The following SHISA9 variants were observed in gnomAD, a reference collection of about 807,000 sequenced individuals.
The protein encoded by SHISA9 is protein shisa-9.
Under a neutral mutation model 38.0 loss-of-function variants are expected in SHISA9, and 13 were observed. The ratio of observed to expected loss-of-function variants is 0.34; its 90% CI spans 0.22 to 0.54. The LOEUF (loss-of-function observed/expected upper bound fraction) is 0.54. Ranked by LOEUF, SHISA9 falls within the 20% of genes least tolerant of loss-of-function variation. SHISA9 has a pLI of 0.91. For missense variants in SHISA9, 538 were observed against 575.8 expected, an observed-to-expected ratio of 0.93 and a Z score of 0.67; for synonymous variants, 275 against 242.0, an observed-to-expected ratio of 1.14 and a Z score of -1.27.
the SHISA9 span, among the ~76,000 whole-genome samples, chr16:13,483,100 C>T: frequency 6.6e-6 from 1 of 152,188 alleles, no homozygotes. Context: ...AACCCCATCA[C>T]AGACACATGT....
chr16:13,275,687 A>T, the SHISA9 span, among the ~76,000 whole-genome samples: 1 of 151,928 alleles, frequency 6.6e-6, no homozygotes, highest in Non-Finnish European at 1.5e-5. Flanking sequence ...GTTTTATAGA[A>T]CTCACCAATA....
At chr16:13,450,107 ACT>A in the SHISA9 span, among the ~76,000 whole-genome samples, 5 of 151,998 alleles carry the variant, frequency 3.3e-5, no homozygotes, top group East Asian at 9.7e-4. Flanking sequence ...ATAGAGGGAG[ACT>A]CTGTGTAAAA....
chr16:13,223,254 C>A lies in SHISA9; in HGVS notation c.895+9954C>A, dbSNP rs541998632. Reference sequence around the variant, plus strand: ...CAGGCCTGGACAACATAGTGAGACACCCTTCTCTACAAAAATAAAAACAAA... The same window carrying A: ...CAGGCCTGGACAACATAGTGAGACAACCTTCTCTACAAAAATAAAAACAAA... On this transcript the variant is annotated intron_variant, in intron 4 of 4. Transcript: ENST00000558583. Among the ~76,000 whole-genome samples, 3 of 152,000 alleles carry A rather than the reference C, an allele frequency of 2.0e-5. No homozygotes were observed. In the South Asian group the frequency reaches 6.3e-4, roughly 32 times the overall value.
chr16:13,430,747 A>C, the SHISA9 span, among the ~76,000 whole-genome samples: 32 of 149,282 alleles, frequency 2.1e-4, no homozygotes, highest in Middle Eastern at 0.01. Flanking sequence ...CTCTAAACAA[A>C]AAAAAAAAAA....
the SHISA9 span, among the ~76,000 whole-genome samples, chr16:13,403,308 T>C: frequency 1.1e-4 from 17 of 152,204 alleles, no homozygotes; most frequent in African/African-American, 3.6e-4. Flanking sequence ...AGAAATAAAT[T>C]TGAACAGCCT....
intron 2 of SHISA9, among the ~76,000 whole-genome samples, chr16:13,153,997 C>T (rs1468661927): frequency 2.0e-5 from 3 of 152,010 alleles, no homozygotes; most frequent in Non-Finnish European, 4.4e-5. Flanking sequence ...CCTCTTTGTT[C>T]CCAGATAAGA....
intron 2 of SHISA9, among the ~76,000 whole-genome samples, chr16:13,127,364 GGAGA>G (rs1359173125): frequency 1.5e-5 from 2 of 133,606 alleles, no homozygotes; most frequent in Non-Finnish European, 3.2e-5. Flanking sequence ...AAGGAGGGAA[GGAGA>G]GAGAAAAGAG....
chr16:13,173,423 T>G (rs2050705294), intron 2 of SHISA9, among the ~76,000 whole-genome samples: 1 of 151,378 alleles, frequency 6.6e-6, no homozygotes, highest in African/African-American at 2.4e-5. Flanking sequence ...TTCCTAATTG[T>G]AGATTAGATT....
chr16:13,255,985 C>A, the SHISA9 span, among the ~76,000 whole-genome samples: 20 of 152,158 alleles, frequency 1.3e-4, no homozygotes, highest in Non-Finnish European at 2.8e-4. Context: ...ATATAACAAC[C>A]TTCCTCACCT....
chr16:12,999,857 A>G (rs1220151860), intron 2 of SHISA9, among the ~76,000 whole-genome samples: 1 of 152,206 alleles, frequency 6.6e-6, no homozygotes, highest in Non-Finnish European at 1.5e-5. Context: ...AGTGTCCAAC[A>G]TCACTTTCTC....
chr16:13,495,021 C>T, the SHISA9 span, among the ~76,000 whole-genome samples: 6 of 152,200 alleles, frequency 3.9e-5, no homozygotes, highest in South Asian at 2.1e-4. Flanking sequence ...ATTCTTGAAA[C>T]GACAAAGCTA....
the SHISA9 span, among the ~76,000 whole-genome samples, chr16:13,386,853 A>G: frequency 6.6e-6 from 1 of 152,096 alleles, no homozygotes; most frequent in Non-Finnish European, 1.5e-5. Flanking sequence ...TTATATTTAA[A>G]TTTATTTACC....
At chr16:13,267,337 ATGGCAATACTATTTTCAGC>A in the SHISA9 span, among the ~76,000 whole-genome samples, 1 of 152,214 alleles carries the variant, frequency 6.6e-6, no homozygotes, top group Non-Finnish European at 1.5e-5. Flanking sequence ...GCAAATTAAA[ATGGCAATACTATTTTCAGC>A]TGGCAAATGT....
chr16:13,420,416 G>A, the SHISA9 span, among the ~76,000 whole-genome samples: 1 of 152,194 alleles, frequency 6.6e-6, no homozygotes, highest in Non-Finnish European at 1.5e-5. Flanking sequence ...GCCTGGAGAT[G>A]GGGATGGAAG....
chr16:13,520,369 G>A, the SHISA9 span, among the ~76,000 whole-genome samples: 6 of 152,004 alleles, frequency 3.9e-5, no homozygotes, highest in African/African-American at 1.4e-4. Flanking sequence ...GGAGGCCAAG[G>A]CGGGCAGATC....
At chr16:13,315,326 T>G in the SHISA9 span, among the ~76,000 whole-genome samples, 1 of 152,198 alleles carries the variant, frequency 6.6e-6, no homozygotes, top group African/African-American at 2.4e-5. Context: ...CAAGAGAGCT[T>G]GTATGTCAAA....
chr16:13,329,340 T>C, the SHISA9 span, among the ~76,000 whole-genome samples: 1 of 152,134 alleles, frequency 6.6e-6, no homozygotes, highest in African/African-American at 2.4e-5. Context: ...CTTGTCTCCT[T>C]GTGTGTGTTG....
intron 2 of SHISA9, among the ~76,000 whole-genome samples, chr16:13,125,817 A>G (rs2050251187): frequency 6.6e-6 from 1 of 152,244 alleles, no homozygotes; most frequent in African/African-American, 2.4e-5. Context: ...CAAGTGCTCA[A>G]GAAATATTTA....
intron 2 of SHISA9, among the ~76,000 whole-genome samples, chr16:12,950,076 G>T (rs1203869866): frequency 6.6e-6 from 1 of 152,142 alleles, no homozygotes; most frequent in East Asian, 1.9e-4. Flanking sequence ...AGCTCCTTGA[G>T]ATAAACTTTT....
Sources: gnomAD v4.1 joint callset for allele counts (sites outside exome capture counted in the v4.1 genomes callset) on GRCh38, gnomAD v4.1.1 for gene constraint, MANE v1.5 for transcripts, NCBI Gene and HGNC (gene_info 2026-07-23, HGNC 2026-07-21) for gene names.